Variants in RNF216 observed in about 807,000 individuals in gnomAD.
RNF216 encodes the protein ring finger protein 216, also known as E3 ubiquitin-protein ligase RNF216.
RNF216 carries 72 observed loss-of-function variants against 110.8 expected under a neutral mutation model. That is an observed-to-expected ratio of 0.65 (90% CI 0.54 to 0.79). The LOEUF (loss-of-function observed/expected upper bound fraction) is 0.79, where lower values mean the gene tolerates loss of function less well. Among genes scored for constraint, RNF216 ranks in the 30% least tolerant of loss-of-function variants. The probability of loss-of-function intolerance (pLI) is 0.00; values close to 1 mark genes in which losing one functional copy is unlikely to be tolerated. For missense variants in RNF216, 1,342 were observed against 1,141.2 expected (o/e 1.18, Z -2.54); for synonymous variants, 495 against 407.5 (o/e 1.21, Z -2.59).
intron 15 of RNF216, among the ~76,000 whole-genome samples, chr7:5,635,759 T>A (rs1263843711): frequency 6.6e-6 from 1 of 152,242 alleles, no homozygotes; most frequent in Non-Finnish European, 1.5e-5. Context: ...GGATGATACA[T>A]CTGCCTTCGA....
At chr7:5,633,183 T>C (rs1787182282) in intron 15 of RNF216, among the ~76,000 whole-genome samples, 1 of 151,890 alleles carries the variant, frequency 6.6e-6, no homozygotes, top group Non-Finnish European at 1.5e-5. Flanking sequence ...TTCACCATAT[T>C]GGCCAGGCTG....
At chr7:5,717,655 A>G (rs1046067449) in intron 9 of RNF216, among the ~76,000 whole-genome samples, 9 of 152,382 alleles carry the variant, frequency 5.9e-5, no homozygotes, top group Middle Eastern at 3.4e-3. Flanking sequence ...GTGGTATTAC[A>G]TAAAATGGTA....
chr7:5,691,060 G>A (rs1791306157), intron 13 of RNF216, among the ~76,000 whole-genome samples: 1 of 152,158 alleles, frequency 6.6e-6, no homozygotes, highest in East Asian at 1.9e-4. Flanking sequence ...ACACAGCCGT[G>A]CAAAGAACTC....
At chr7:5,767,479 C>T (rs967683896) in intron 1 of RNF216, among the ~76,000 whole-genome samples, 1 of 152,090 alleles carries the variant, frequency 6.6e-6, no homozygotes, top group Non-Finnish European at 1.5e-5. Flanking sequence ...GAATAACCTC[C>T]TCACCCCCCA....
intron 13 of RNF216, among the ~76,000 whole-genome samples, chr7:5,663,413 C>T (rs1193448368): frequency 1.3e-5 from 2 of 151,766 alleles, no homozygotes; most frequent in Non-Finnish European, 2.9e-5. Flanking sequence ...ACCCCCGTCT[C>T]TACTAAAAAC....
chr7:5,651,939 G>A (rs1415773666), intron 14 of RNF216, among the ~76,000 whole-genome samples: 3 of 152,140 alleles, frequency 2.0e-5, no homozygotes, highest in Admixed American at 6.5e-5. Flanking sequence ...GAGCCACTGC[G>A]CCTGGCCTGC....
chr7:5,679,702 G>C (rs553560079), intron 13 of RNF216, among the ~76,000 whole-genome samples: 17 of 152,322 alleles, frequency 1.1e-4, no homozygotes, highest in African/African-American at 3.1e-4. Context: ...ATGTGCTACT[G>C]CAAGGAACAA....
At position 5,736,860 on chromosome 7, in the gene RNF216, G is replaced by A. The variant is rs534734580; in HGVS notation, c.1121+2416C>T. On this transcript the variant is annotated intron_variant, in intron 5 of 16. Transcript: ENST00000389902. ...TCCGCCCCGCAGCCACCCCATCTGA[G>A]AAGTGAGGAGCCCCTCCGCCCGGCA... 7.2e-5 allele frequency among the ~76,000 whole-genome samples: 11 copies of A among 151,770 alleles called. No individual in the cohort carries two copies. The South Asian group carries it at 2.3e-3, about 31-fold the overall frequency.
chr7:5,626,648 G>A (rs899774953), intron 15 of RNF216, among the ~76,000 whole-genome samples: 1 of 151,456 alleles, frequency 6.6e-6, no homozygotes, highest in Admixed American at 6.6e-5. Context: ...CTCCACCCTG[G>A]GCGACAGAGT....
chr7:5,657,554 T>C (rs1788825230), intron 13 of RNF216, among the ~76,000 whole-genome samples: 1 of 150,378 alleles, frequency 6.6e-6, no homozygotes, highest in African/African-American at 2.5e-5. Flanking sequence ...GCAACAAGAG[T>C]GAAATTCTGT....
At chr7:5,776,773 T>C (rs924948002) in intron 1 of RNF216, among the ~76,000 whole-genome samples, 2 of 150,578 alleles carry the variant, frequency 1.3e-5, no homozygotes, top group African/African-American at 4.9e-5. Flanking sequence ...TGGTGGCTCA[T>C]GCCTGTAATC....
chr7:5,722,223 C>T (rs2128636885), intron 8 of RNF216, among the ~76,000 whole-genome samples: 1 of 152,246 alleles, frequency 6.6e-6, no homozygotes, highest in East Asian at 1.9e-4. Context: ...AACGCCTGGC[C>T]AATTTATGTT....
intron 1 of RNF216, among the ~76,000 whole-genome samples, chr7:5,770,158 C>T (rs907830710): frequency 1.3e-5 from 2 of 150,574 alleles, no homozygotes; most frequent in African/African-American, 4.9e-5. Flanking sequence ...GCCAGCGAAA[C>T]CCCATCAAAC....
At chr7:5,780,456 G>A (rs1291519648) in intron 1 of RNF216, among the ~76,000 whole-genome samples, 2 of 152,150 alleles carry the variant, frequency 1.3e-5, no homozygotes, top group Non-Finnish European at 2.9e-5. Flanking sequence ...TAGCACTTTG[G>A]GAGGCCGAGG....
chr7:5,763,246 G>A (rs919392578), intron 1 of RNF216, among the ~76,000 whole-genome samples: 1 of 152,148 alleles, frequency 6.6e-6, no homozygotes, highest in African/African-American at 2.4e-5. Flanking sequence ...TATTGATTGT[G>A]GTGGTAGTCA....
intron 13 of RNF216, among the ~76,000 whole-genome samples, chr7:5,699,729 C>A (rs1791846755): frequency 1.3e-5 from 2 of 152,222 alleles, no homozygotes; most frequent in Non-Finnish European, 2.9e-5. Context: ...ACATGAAGGG[C>A]AGCAGGCTTT....
chr7:5,721,001 A>G lies in RNF216; in HGVS notation c.1644+32T>C, dbSNP rs377600055. 3.0e-5 allele frequency: 49 copies of G among 1,608,734 alleles called. No individual in the cohort carries two copies. The African/African-American group carries it at 5.9e-4, about 19-fold the overall frequency. On this transcript the variant is annotated intron_variant, in intron 9 of 16. Coordinates refer to ENST00000389902, the MANE Select transcript of RNF216 (RefSeq NM_207111.4). ...CTAAGAGCAAACCAGAATCCCAGAA[A>G]CACACCCCAAGACCAGAGCACATCT...
chr7:5,653,526 G>A (rs576281004), intron 13 of RNF216, among the ~76,000 whole-genome samples: 10 of 150,244 alleles, frequency 6.7e-5, no homozygotes, highest in African/African-American at 1.5e-4. Context: ...GCGTGAACCC[G>A]GGAGGCGGAG....
intron 12 of RNF216, among the ~76,000 whole-genome samples, chr7:5,712,183 G>A (rs766475558): frequency 6.6e-6 from 1 of 152,240 alleles, no homozygotes; most frequent in Non-Finnish European, 1.5e-5. Context: ...TATGTAGACA[G>A]AAGTTTGAGC....
Sources: gnomAD v4.1 joint callset for allele counts (sites outside exome capture counted in the v4.1 genomes callset) on GRCh38, gnomAD v4.1.1 for gene constraint, MANE v1.5 for transcripts, NCBI Gene and HGNC (gene_info 2026-07-23, HGNC 2026-07-21) for gene names.